FCHO2: variants seen among roughly 807,000 people sequenced by gnomAD.
The protein encoded by FCHO2 is F-BAR domain only protein 2.
FCHO2 carries 43 observed loss-of-function variants against 114.1 expected under a neutral mutation model. The ratio of observed to expected loss-of-function variants is 0.38; its 90% CI spans 0.30 to 0.49. FCHO2 has a LOEUF of 0.49. FCHO2 is among the 20% of genes least tolerant of loss of function. The pLI is 0.97. For synonymous variants in FCHO2, 293 were observed against 315.2 expected (o/e 0.93, Z 0.75); for missense variants, 807 against 950.4 (o/e 0.85, Z 1.98).
At chr5:73,087,851 T>G (rs1247943658) in intron 25 of FCHO2, 98 bp downstream of exon 25, 2 of 1,491,044 alleles carry the variant, frequency 1.3e-6, no homozygotes, top group African/African-American at 1.4e-5. Flanking sequence ...TCTAAAGACA[T>G]GGAAATTTTT....
intron 12 of FCHO2, 152 bp downstream of exon 12, chr5:73,051,558 G>GT: frequency 1.7e-6 from 1 of 574,534 alleles, no homozygotes; most frequent in Non-Finnish European, 2.8e-6. Context: ...TGTTGTTGTT[G>GT]TTTTTTGTTT....
intron 1 of FCHO2, among the ~76,000 whole-genome samples, chr5:72,964,213 AC>A: frequency 6.6e-6 from 1 of 152,298 alleles, no homozygotes; most frequent in East Asian, 1.9e-4. Context: ...GATTCAACTA[AC>A]TGGCAGAGGT....
At chr5:73,022,813 C>T (rs1755700852) in intron 8 of FCHO2, among the ~76,000 whole-genome samples, 1 of 152,198 alleles carries the variant, frequency 6.6e-6, no homozygotes, top group African/African-American at 2.4e-5. Flanking sequence ...GACTTTGGTT[C>T]ACTCTTTTCT....
chr5:73,085,789 T>C (rs1184694608), intron 24 of FCHO2, among the ~76,000 whole-genome samples: 2 of 11,276 alleles, frequency 1.8e-4, no homozygotes, highest in African/African-American at 1.4e-4. Context: ...AATAAATAAA[T>C]AAATAAATAA....
chr5:72,979,348 A>T (rs1049730615), intron 2 of FCHO2, among the ~76,000 whole-genome samples: 3 of 96,194 alleles, frequency 3.1e-5, no homozygotes, highest in African/African-American at 1.2e-4. Flanking sequence ...GGGAGGGTGT[A>T]TGTGTATGTG....
intron 6 of FCHO2, among the ~76,000 whole-genome samples, chr5:73,014,590 T>G (rs992283357): frequency 2.6e-5 from 4 of 152,110 alleles, no homozygotes; most frequent in Admixed American, 6.5e-5. Context: ...GCCCGGTGTA[T>G]ATTATTATTT....
chr5:73,054,268 T>G (rs1757479564), intron 14 of FCHO2, 97 bp downstream of exon 14: 10 of 1,102,656 alleles, frequency 9.1e-6, no homozygotes, highest in Admixed American at 2.8e-5. Flanking sequence ...ATTTTTAGAT[T>G]AGCAAGTTTT....
intron 6 of FCHO2, among the ~76,000 whole-genome samples, chr5:73,006,943 C>A (rs1754750252): frequency 6.6e-6 from 1 of 152,160 alleles, no homozygotes; most frequent in Non-Finnish European, 1.5e-5. Context: ...AAGACAGACA[C>A]AAATGTCTGC....
chr5:73,033,269 A>T (rs1214104259), intron 8 of FCHO2, among the ~76,000 whole-genome samples: 1 of 152,140 alleles, frequency 6.6e-6, no homozygotes, highest in Admixed American at 6.6e-5. Context: ...CATACTAATA[A>T]TTGATTAGGA....
chr5:73,020,455 T>C (rs757455291), intron 8 of FCHO2, among the ~76,000 whole-genome samples: 5 of 152,176 alleles, frequency 3.3e-5, no homozygotes, highest in African/African-American at 1.2e-4. Context: ...AAGATACTTA[T>C]AAATGAAGAA....
intron 24 of FCHO2, among the ~76,000 whole-genome samples, chr5:73,084,698 G>A (rs765970077): frequency 4.6e-5 from 7 of 152,170 alleles, no homozygotes; most frequent in Non-Finnish European, 8.8e-5. Context: ...CTGTAGAAAG[G>A]ACCGTAAATA....
chr5:73,051,700 T>G (rs194493), intron 12 of FCHO2, among the ~76,000 whole-genome samples: 79,918 of 151,358 alleles, frequency 0.53, 22,182 homozygotes, highest in African/African-American at 0.72. Context: ...CCAAGTAGCT[T>G]GGATTACAGG....
intron 18 of FCHO2, among the ~76,000 whole-genome samples, chr5:73,064,225 G>C (rs996317541): frequency 6.6e-6 from 1 of 151,916 alleles, no homozygotes; most frequent in Non-Finnish European, 1.5e-5. Flanking sequence ...ATAAAGAAGC[G>C]GTTTTCATAT....
intron 18 of FCHO2, among the ~76,000 whole-genome samples, chr5:73,067,884 GT>G (rs1742434211): frequency 6.6e-6 from 1 of 151,898 alleles, no homozygotes; most frequent in Non-Finnish European, 1.5e-5. Context: ...AAAAGAATCT[GT>G]TCACCAAAGT....
At chr5:73,059,404 A>T (rs901771530) in intron 17 of FCHO2, among the ~76,000 whole-genome samples, 1 of 152,136 alleles carries the variant, frequency 6.6e-6, no homozygotes, top group African/African-American at 2.4e-5. Flanking sequence ...AAGCTCAGAG[A>T]TAATAAGTAA....
chr5:72,956,488 A>T (rs942069351), intron 1 of FCHO2, among the ~76,000 whole-genome samples: 3 of 151,658 alleles, frequency 2.0e-5, no homozygotes, highest in Non-Finnish European at 4.4e-5. Flanking sequence ...GACGCGAAGG[A>T]CGGGCCCGCG....
chr5:73,001,075 T>C (rs1200085946), intron 5 of FCHO2, among the ~76,000 whole-genome samples: 1 of 152,312 alleles, frequency 6.6e-6, no homozygotes, highest in Non-Finnish European at 1.5e-5. Context: ...CTGTTTCTTA[T>C]GAAAGATGTT....
At chr5:73,032,377 T>C (rs1756281828) in intron 8 of FCHO2, among the ~76,000 whole-genome samples, 1 of 152,194 alleles carries the variant, frequency 6.6e-6, no homozygotes. Context: ...TCTTTCAAAA[T>C]GTGTTTTTTT....
At position 73,037,201 on chromosome 5, in the gene FCHO2, A is replaced by G; in HGVS notation, c.900A>G (p.Lys300=). 2 of 1,600,284 alleles carry G rather than the reference A, an allele frequency of 1.2e-6. No individual in the cohort carries two copies. Among genetic ancestry groups the G allele is most frequent in the Non-Finnish European group, 1.7e-6 (2 of 1,173,708 alleles). Residue 300 remains lysine, a synonymous_variant, in exon 10 of 26, where the codon AAA becomes AAG. Coordinates refer to ENST00000430046, the MANE Select transcript of FCHO2 (RefSeq NM_138782.3). Reference sequence around the variant, plus strand: ...TGCCAGGAATCATTAAAAAGGAAAAAGATGCAGAATCTGTGTAAGTATTTT... The same window carrying G: ...TGCCAGGAATCATTAAAAAGGAAAAGGATGCAGAATCTGTGTAAGTATTTT... ...FALPGIIKKE[K]DAESVECPDA...
Sources: allele counts gnomAD v4.1 joint callset (sites outside exome capture counted in the v4.1 genomes callset), GRCh38; gene constraint gnomAD v4.1.1; transcripts MANE v1.5; gene names NCBI Gene and HGNC (gene_info 2026-07-23, HGNC 2026-07-21).